Variants in NAP1L4 observed in about 807,000 individuals in gnomAD.
NAP1L4 encodes nucleosome assembly protein 1-like 4.
A neutral mutation model predicts 58.2 loss-of-function variants in NAP1L4; 15 were observed. That is an observed-to-expected ratio of 0.26 (90% CI 0.17 to 0.40). NAP1L4 has a LOEUF of 0.40. Ranked by LOEUF, NAP1L4 falls within the 10% of genes least tolerant of loss-of-function variation. The pLI is 1.00. For synonymous variants in NAP1L4, 171 were observed against 155.6 expected (o/e 1.10, Z -0.74); for missense variants, 384 against 451.1 (o/e 0.85, Z 1.35).
chr11:2,984,112 A>G (rs1370023505), intron 1 of NAP1L4, among the ~76,000 whole-genome samples: 1 of 144,606 alleles, frequency 6.9e-6, no homozygotes, highest in African/African-American at 2.6e-5. Context: ...GGCTGCAGTG[A>G]GCTATCACTG....
chr11:2,959,990 C>T lies in NAP1L4; in HGVS notation c.607-81G>A. ...GATTGCTTGGAGTACACAACACTTA[C>T]TAGAAGCTATTTTGGGAAAGCTCAA... On this transcript the variant is annotated intron_variant, in intron 8 of 15. Coordinates refer to ENST00000380542, the MANE Select transcript of NAP1L4 (RefSeq NM_005969.4). The surrounding 1 kb of genome is among the most constrained non-coding windows in gnomAD (Gnocchi z 4.9). 1 of 1,424,856 alleles carries T rather than the reference C, an allele frequency of 7.0e-7. No individual in the cohort carries two copies. The highest frequency in any genetic ancestry group is 1.3e-5 in the South Asian group (1 of 78,422). 88.3% of individuals were successfully genotyped at this position (1,424,856 alleles called of 1,614,324 possible).
intron 4 of NAP1L4, among the ~76,000 whole-genome samples, chr11:2,975,698 G>A (rs1847915363): frequency 6.6e-6 from 1 of 151,864 alleles, no homozygotes; most frequent in Admixed American, 6.6e-5. Context: ...AAGTCAGGAA[G>A]GAGTGGTTCT....
intron 1 of NAP1L4, among the ~76,000 whole-genome samples, chr11:2,987,858 T>C (rs996627464): frequency 6.6e-6 from 1 of 150,968 alleles, no homozygotes; most frequent in Non-Finnish European, 1.5e-5. Flanking sequence ...AATACAGAAG[T>C]CCCAAGGCCC....
chr11:2,963,824 C>A (rs763039742), intron 8 of NAP1L4: 8 of 519,168 alleles, frequency 1.5e-5, no homozygotes, highest in African/African-American at 1.5e-4. Flanking sequence ...TCATGTGTCG[C>A]TGGAAATGCT....
chr11:2,977,847 A>G (rs959428613), intron 3 of NAP1L4, among the ~76,000 whole-genome samples: 2 of 146,322 alleles, frequency 1.4e-5, no homozygotes, highest in Non-Finnish European at 3.0e-5. Flanking sequence ...CAAAGGAAGG[A>G]AAGTAAAGGG....
intron 10 of NAP1L4, among the ~76,000 whole-genome samples, chr11:2,956,633 C>T (rs1846559576): frequency 1.3e-5 from 2 of 152,064 alleles, no homozygotes; most frequent in African/African-American, 2.4e-5. Flanking sequence ...TCCCAAGCCT[C>T]GGTGTGCCAG....
rs1052350500 is a variant in NAP1L4, at chr11:2,945,287, C to T, written c.*392G>A. On this transcript the variant is annotated 3_prime_UTR_variant, in exon 16 of 16. Transcript: ENST00000380542. ...ATCACCAGACCTCGGCCCTTTTTGC[C>T]AAGTGACCCCCACCCCACCCTGATG... The T allele has an allele frequency of 1.1e-5, 3 of 274,184 alleles. No individual in the cohort carries two copies. Among genetic ancestry groups the T allele is most frequent in the African/African-American group, 4.4e-5 (2 of 45,786 alleles). The allele number at this position is 274,184 out of a possible 1,614,324, so 17.0% of individuals were successfully genotyped here. A position where few individuals can be genotyped will look rare whatever the true frequency, so the allele number is the denominator to read the frequency against.
chr11:2,958,383 C>G lies in NAP1L4; in HGVS notation c.892+16G>C, dbSNP rs1301717175. 5.6e-6 allele frequency: 9 copies of G among 1,613,260 alleles called. No individual in the cohort carries two copies. Among genetic ancestry groups the G allele is most frequent in the Non-Finnish European group, 7.6e-6 (9 of 1,179,498 alleles). ...TATATAAGAACATAATGAATATTAA[C>G]AACCAACAGACTTGCCTTTCAATGG... On this transcript the variant is annotated intron_variant, in intron 10 of 15. Coordinates refer to ENST00000380542, the MANE Select transcript of NAP1L4 (RefSeq NM_005969.4).
chr11:2,958,660 A>G, intron 9 of NAP1L4, 116 bp from the exon 10 acceptor site: 1 of 1,028,580 alleles, frequency 9.7e-7, no homozygotes, highest in Non-Finnish European at 1.4e-6. Context: ...AATAAAACCA[A>G]TCTGCAAACC....
rs780499617 is a variant in NAP1L4 at position 2,954,666 on chromosome 11, G to A, written c.916-20C>T. 4 of 1,614,072 alleles carry A rather than the reference G, an allele frequency of 2.5e-6. No homozygotes were observed. The highest frequency in any genetic ancestry group is 2.2e-5 in the East Asian group (1 of 44,880). ...TTCATCCTGAGGAGGAAAAACCTACGTGTTAACTCATTTTAATGGGATAAA... is the reference window on the plus strand; with the variant it reads ...TTCATCCTGAGGAGGAAAAACCTACATGTTAACTCATTTTAATGGGATAAA... On this transcript the variant is annotated intron_variant, in intron 11 of 15. Transcript: ENST00000380542. This position sits in a 1 kb window ranked among gnomAD's most constrained non-coding sequence, Gnocchi z 4.8.
rs1012392057 is a variant in NAP1L4 at position 2,974,131 on chromosome 11, AT to A, written c.174-1889del. 4.1e-3 allele frequency among the ~76,000 whole-genome samples: 607 copies of A among 149,382 alleles called. 7 individuals carry two copies. Among genetic ancestry groups the A allele is most frequent in the African/African-American group, 0.012 (507 of 40,854 alleles). On this transcript the variant is annotated intron_variant, in intron 4 of 15. Coordinates refer to ENST00000380542, the MANE Select transcript of NAP1L4 (RefSeq NM_005969.4). ...TCCAACTGAAGTAAAATGACAAAGG[AT>A]TTTTTTTTTTAATTATACTTTAAGT...
At chr11:2,958,827 G>A (rs866685786) in intron 9 of NAP1L4, 1 of 391,762 alleles carries the variant, frequency 2.6e-6, no homozygotes, top group Non-Finnish European at 4.6e-6. Flanking sequence ...TGTATATTCT[G>A]TGGCAAAGCC....
At position 2,954,837 on chromosome 11, in the gene NAP1L4, T is replaced by C; in HGVS notation, c.916-191A>G. 1.5e-6 allele frequency: 1 copy of C among 670,482 alleles called. No individual in the cohort carries two copies. The highest frequency in any genetic ancestry group is 2.5e-6 in the Non-Finnish European group (1 of 397,148). 41.5% of individuals were successfully genotyped at this position (670,482 alleles called of 1,614,324 possible). On this transcript the variant is annotated intron_variant, in intron 11 of 15. Coordinates refer to ENST00000380542, the MANE Select transcript of NAP1L4 (RefSeq NM_005969.4). The surrounding 1 kb of genome is among the most constrained non-coding windows in gnomAD (Gnocchi z 4.8). ...ACAACTTTAAGTAGCTTTAAAGAGC[T>C]ACTGAAGCAAAATGGCAGAGAAAGT...
At chr11:2,986,373 CAAA>C (rs34433683) in intron 1 of NAP1L4, among the ~76,000 whole-genome samples, 2 of 108,604 alleles carry the variant, frequency 1.8e-5, no homozygotes, top group Non-Finnish European at 1.9e-5. Flanking sequence ...GACCCTGTCT[CAAA>C]AAAAAAAAAA....
chr11:2,971,626 T>C lies in NAP1L4; in HGVS notation c.316-92A>G, dbSNP rs1230628813. The C allele has an allele frequency of 3.1e-6, 3 of 958,374 alleles. No homozygotes were observed. Among genetic ancestry groups the C allele is most frequent in the Non-Finnish European group, 4.6e-6 (3 of 651,062 alleles). The allele number at this position is 958,374 out of a possible 1,614,324, so 59.4% of individuals were successfully genotyped here. ...TATAAATAATGTCTACTAAAAGACT[T>C]TGAAAACTGGATATTTTTATAACTT... is the stretch of plus-strand genomic sequence containing the variant. On this transcript the variant is annotated intron_variant, in intron 5 of 15. Coordinates refer to ENST00000380542, the MANE Select transcript of NAP1L4 (RefSeq NM_005969.4). This position sits in a 1 kb window ranked among gnomAD's most constrained non-coding sequence, Gnocchi z 4.2.
chr11:2,986,409 T>A (rs1475606455), intron 1 of NAP1L4, among the ~76,000 whole-genome samples: 3 of 150,370 alleles, frequency 2.0e-5, no homozygotes, highest in Admixed American at 6.6e-5. Flanking sequence ...GAAAAAAAAA[T>A]TGGGCCACGT....
At chr11:2,952,553 G>A (rs1189121871) in intron 12 of NAP1L4, 1 of 152,336 alleles carries the variant, frequency 6.6e-6, no homozygotes, top group East Asian at 1.9e-4. Context: ...AGCCAACTTC[G>A]GTGGAACTTA....
At position 2,972,180 on chromosome 11, in the gene NAP1L4, G is replaced by A. The variant is rs1847676392; in HGVS notation, c.237C>T (p.His79=). The A allele has an allele frequency of 6.2e-7, 1 of 1,609,172 alleles. No homozygotes were observed. Among genetic ancestry groups the A allele is most frequent in the Non-Finnish European group, 8.5e-7 (1 of 1,178,526 alleles). Residue 79 remains histidine, a synonymous_variant, in exon 5 of 16, where the codon CAC becomes CAT. Transcript: ENST00000380542. ...ALKQLQVRCA[H]IEAKFYEEVH... is the part of the protein sequence containing the mutation. Reference sequence around the variant, plus strand: ...CCTCTTCATAGAACTTGGCTTCTATGTGAGCACATCTCACCTGAAGTTGTT... The same window carrying A: ...CCTCTTCATAGAACTTGGCTTCTATATGAGCACATCTCACCTGAAGTTGTT...
chr11:2,951,348 A>G lies in NAP1L4; in HGVS notation c.1066-33T>C. 1 of 1,590,952 alleles carries G rather than the reference A, an allele frequency of 6.3e-7. No homozygotes were observed. The highest frequency in any genetic ancestry group is 8.6e-7 in the Non-Finnish European group (1 of 1,159,052). The stretch of plus-strand genomic sequence containing the variant: ...TAAAAAGTGAGAATTAGCTGGAATG[A>G]CAAGATTTAAACTCTTGTGGCATTC... On this transcript the variant is annotated intron_variant, in intron 13 of 15. Coordinates refer to ENST00000380542, the MANE Select transcript of NAP1L4 (RefSeq NM_005969.4). The surrounding 1 kb of genome is among the most constrained non-coding windows in gnomAD (Gnocchi z 4.0).
Sources: allele counts gnomAD v4.1 joint callset (sites outside exome capture counted in the v4.1 genomes callset), GRCh38; gene constraint gnomAD v4.1.1; non-coding constraint Gnocchi (gnomAD v3.1); transcripts MANE v1.5; gene names NCBI Gene and HGNC (gene_info 2026-07-23, HGNC 2026-07-21).